GRID2: variants seen among roughly 807,000 people sequenced by gnomAD.
The protein encoded by GRID2 is glutamate ionotropic receptor delta type subunit 2, also known as glutamate receptor ionotropic, delta-2.
A neutral mutation model predicts 114.8 loss-of-function variants in GRID2; 33 were observed. The ratio of observed to expected loss-of-function variants is 0.29; its 90% CI spans 0.22 to 0.38. The LOEUF (loss-of-function observed/expected upper bound fraction) is 0.38. Among genes scored for constraint, GRID2 ranks in the 10% least tolerant of loss-of-function variants. GRID2 has a pLI of 1.00. For synonymous variants in GRID2, 505 were observed against 449.9 expected (o/e 1.12, Z -1.55); for missense variants, 1,184 against 1,257.7 (o/e 0.94, Z 0.89).
chr4:92,991,219 G>A (rs1419716017), intron 2 of GRID2, among the ~76,000 whole-genome samples: 1 of 152,094 alleles, frequency 6.6e-6, no homozygotes, highest in African/African-American at 2.4e-5. Flanking sequence ...ATCTTGCAGG[G>A]CTGTAATAAT....
Position 93,151,135 on chromosome 4 carries a change from AAG to A in GRID2, c.735+40184_735+40185del, listed in dbSNP as rs1491043936. On this transcript the variant is annotated intron_variant, in intron 4 of 15. Transcript: ENST00000282020. ...TAAGACTCCTCAAAAAAAAAAAAAA[AAG>A]AAAGAAAAAAGAAAAGAAATACAGT... 3.7e-3 allele frequency among the ~76,000 whole-genome samples: 548 copies of A among 148,716 alleles called. 6 individuals are homozygous for A. Among genetic ancestry groups the A allele is most frequent in the African/African-American group, 0.013 (526 of 40,206 alleles).
intron 3 of GRID2, among the ~76,000 whole-genome samples, chr4:93,097,033 T>C (rs1270073572): frequency 6.6e-6 from 1 of 151,990 alleles, no homozygotes; most frequent in African/African-American, 2.4e-5. Flanking sequence ...CTCACATTTA[T>C]AAATGAGTAA....
chr4:92,474,920 A>G lies in GRID2; in HGVS notation c.89-115211A>G, dbSNP rs1048567226. On this transcript the variant is annotated intron_variant, in intron 1 of 15. Coordinates refer to ENST00000282020, the MANE Select transcript of GRID2 (RefSeq NM_001510.4). ...ATATAATTTGCAATTTTTAAATTTTACCTTTCATAGTTTGTCTCTTCATTC... is the reference window on the plus strand; with the variant it reads ...ATATAATTTGCAATTTTTAAATTTTGCCTTTCATAGTTTGTCTCTTCATTC... Among the ~76,000 whole-genome samples the G allele has an allele frequency of 8.4e-4, 100 of 118,882 alleles. 1 individual carries two copies. The highest frequency in any genetic ancestry group is 6.1e-4 in the Non-Finnish European group (38 of 62,134). 78.0% of individuals were successfully genotyped at this position (118,882 alleles called of 152,430 possible).
At chr4:92,602,238 A>C (rs1467654914) in intron 2 of GRID2, among the ~76,000 whole-genome samples, 1 of 151,560 alleles carries the variant, frequency 6.6e-6, no homozygotes, top group Admixed American at 6.6e-5. Context: ...GAAAAAAAGA[A>C]AGAAAAAGAA....
intron 2 of GRID2, among the ~76,000 whole-genome samples, chr4:92,720,281 C>G (rs1343565286): frequency 6.6e-6 from 1 of 151,928 alleles, no homozygotes; most frequent in African/African-American, 2.4e-5. Flanking sequence ...TTTCACTTCA[C>G]TATGTGTGCA....
intron 10 of GRID2, among the ~76,000 whole-genome samples, chr4:93,440,054 A>G (rs934746422): frequency 7.9e-5 from 12 of 152,026 alleles, no homozygotes; most frequent in Non-Finnish European, 1.8e-4. Flanking sequence ...TTGTGCAGGG[A>G]GAGCCCACCA....
intron 13 of GRID2, among the ~76,000 whole-genome samples, chr4:93,531,251 A>T (rs575416729): frequency 6.6e-6 from 1 of 152,154 alleles, no homozygotes; most frequent in Non-Finnish European, 1.5e-5. Context: ...CACTAAACAA[A>T]CAGAATAATC....
intron 1 of GRID2, among the ~76,000 whole-genome samples, chr4:92,559,271 T>G (rs1727004863): frequency 6.6e-6 from 1 of 152,186 alleles, no homozygotes. Context: ...ATTGATAAAC[T>G]GGTTACTGAT....
chr4:93,782,449 G>C (rs186988781), intron 1 of GRID2, among the ~76,000 whole-genome samples: 1 of 152,044 alleles, frequency 6.6e-6, no homozygotes. Context: ...TTTTAGTTCC[G>C]AGTCTGCTTC....
At chr4:92,711,807 G>A (rs1423381296) in intron 2 of GRID2, among the ~76,000 whole-genome samples, 1 of 152,126 alleles carries the variant, frequency 6.6e-6, no homozygotes, top group Non-Finnish European at 1.5e-5. Context: ...GGAAGCTTAG[G>A]CAGGAGGATC....
At chr4:93,104,733 G>A (rs910609102) in intron 3 of GRID2, among the ~76,000 whole-genome samples, 5 of 152,184 alleles carry the variant, frequency 3.3e-5, no homozygotes, top group Non-Finnish European at 7.3e-5. Flanking sequence ...TTGGTTCCAA[G>A]TCTTTGCTAT....
intron 8 of GRID2, among the ~76,000 whole-genome samples, chr4:93,388,490 G>A (rs1227550002): frequency 6.6e-6 from 1 of 152,082 alleles, no homozygotes; most frequent in Admixed American, 6.6e-5. Flanking sequence ...TTTCAAGGTA[G>A]GAGGGTTATG....
At chr4:92,940,474 C>A (rs973079327) in intron 2 of GRID2, among the ~76,000 whole-genome samples, 1 of 151,802 alleles carries the variant, frequency 6.6e-6, no homozygotes, top group African/African-American at 2.4e-5. Context: ...TGGGCTGAGA[C>A]GATGGGGTTT....
At chr4:92,781,785 A>G (rs1402337825) in intron 2 of GRID2, among the ~76,000 whole-genome samples, 1 of 152,082 alleles carries the variant, frequency 6.6e-6, no homozygotes, top group Non-Finnish European at 1.5e-5. Context: ...AATTTCACAT[A>G]TGCTACAAGG....
chr4:93,786,564 T>C (rs1455753352), intron 1 of GRID2, among the ~76,000 whole-genome samples: 1 of 152,196 alleles, frequency 6.6e-6, no homozygotes. Context: ...GGCAAAAGTA[T>C]GGATGTGAAT....
chr4:92,753,526 A>G (rs1443217779), intron 2 of GRID2, among the ~76,000 whole-genome samples: 1 of 152,220 alleles, frequency 6.6e-6, no homozygotes, highest in Non-Finnish European at 1.5e-5. Context: ...AGTTAAAAAC[A>G]AAGCATAATA....
chr4:93,156,331 A>C (rs1737181812), intron 4 of GRID2, among the ~76,000 whole-genome samples: 1 of 151,810 alleles, frequency 6.6e-6, no homozygotes, highest in Non-Finnish European at 1.5e-5. Flanking sequence ...AAATTAGTAA[A>C]AGATTTTGTT....
chr4:93,387,010 T>C (rs765855299), intron 8 of GRID2, among the ~76,000 whole-genome samples: 9 of 152,128 alleles, frequency 5.9e-5, no homozygotes, highest in Non-Finnish European at 7.3e-5. Context: ...GCAAGTCAGT[T>C]TGGGGAGGGA....
intron 2 of GRID2, among the ~76,000 whole-genome samples, chr4:92,687,713 C>A (rs908750720): frequency 5.9e-5 from 9 of 151,986 alleles, no homozygotes; most frequent in African/African-American, 2.2e-4. Context: ...CCTATAATCG[C>A]AGCTACTCAG....
Sources: gnomAD v4.1 joint callset for allele counts (sites outside exome capture counted in the v4.1 genomes callset) on GRCh38, gnomAD v4.1.1 for gene constraint, MANE v1.5 for transcripts, NCBI Gene and HGNC (gene_info 2026-07-23, HGNC 2026-07-21) for gene names.